MICALL2: variants seen among roughly 807,000 people sequenced by gnomAD.
MICALL2 encodes MICAL like 2.
MICALL2 carries 111 observed loss-of-function variants against 91.1 expected under a neutral mutation model. That is an observed-to-expected ratio of 1.22 (90% CI 1.04 to 1.43). The LOEUF is 1.43. Ranked by LOEUF, MICALL2 falls within the 40% of genes most tolerant of loss-of-function variation. The pLI is 0.00. For synonymous variants in MICALL2, 694 were observed against 525.3 expected, an observed-to-expected ratio of 1.32 and a Z score of -4.39; for missense variants, 1,556 against 1,236.0, an observed-to-expected ratio of 1.26 and a Z score of -3.88.
intron 10 of MICALL2, 177 bp downstream of exon 10, chr7:1,438,663 C>A (rs1780106401): frequency 1.4e-6 from 2 of 1,433,170 alleles, no homozygotes; most frequent in Admixed American, 2.8e-5. Flanking sequence ...TCTGAAACAG[C>A]TAGGGTCTCT....
In MICALL2 at chr7:1,440,581, C is replaced by T. The variant is rs376075464; in HGVS notation, c.1805+10G>A. ...TACCAGGCCCTGGGCCAGCCCCACC[C>T]ATCCCTAACCTCTCAGCTGGGCTTC... On this transcript the variant is annotated intron_variant, in intron 8 of 16. Transcript: ENST00000297508. The T allele has an allele frequency of 3.1e-6, 5 of 1,611,560 alleles. No homozygotes were observed. The African/African-American group carries it at 5.3e-5, about 17-fold the overall frequency.
At chr7:1,459,125 G>A (rs932376287) in intron 1 of MICALL2, 59 bp downstream of exon 1, 7 of 1,525,020 alleles carry the variant, frequency 4.6e-6, no homozygotes, top group South Asian at 1.2e-5. Context: ...CAGTTTCCCC[G>A]CCCGTGTCAG....
At position 1,448,761 on chromosome 7, in the gene MICALL2, C is replaced by A. The variant is rs1366908848; in HGVS notation, c.193G>T (p.Ala65Ser). Reference sequence around the variant, plus strand: ...AAGTGCTCCTCGGCCACGCGGAAGGCCTGCGAAAGGTGGGAGGGGGTCAGC... The same window carrying A: ...AAGTGCTCCTCGGCCACGCGGAAGGACTGCGAAAGGTGGGAGGGGGTCAGC... ...KENIYENNKL[A>S]FRVAEEHLGI... Residue 65 changes from alanine (A) to serine (S), a missense_variant and splice_region_variant, in exon 3 of 17, where the codon GCC becomes TCC. Transcript: ENST00000297508. 1 of 1,612,454 alleles carries A rather than the reference C, an allele frequency of 6.2e-7. No individual in the cohort carries two copies. The highest frequency in any genetic ancestry group is 8.5e-7 in the Non-Finnish European group (1 of 1,179,828).
Position 1,459,168 on chromosome 7 carries a change from G to A in MICALL2, c.143+16C>T, listed in dbSNP as rs765186850. 6.2e-6 allele frequency: 10 copies of A among 1,601,358 alleles called. No individual in the cohort carries two copies. The highest frequency in any genetic ancestry group is 2.7e-5 in the African/African-American group (2 of 74,254). ...CCGAACAGCAGAAGAATCAAAGGGC[G>A]CCAGGCAGGACTTACATGAGGTCGG... On this transcript the variant is annotated intron_variant, in intron 1 of 16. Coordinates refer to ENST00000297508, the MANE Select transcript of MICALL2 (RefSeq NM_182924.4).
chr7:1,438,729 C>T lies in MICALL2; in HGVS notation c.2122+111G>A, dbSNP rs1386900537. 3 of 1,495,518 alleles carry T rather than the reference C, an allele frequency of 2.0e-6. No individual in the cohort carries two copies. The African/African-American group carries it at 4.2e-5, about 21-fold the overall frequency. The allele number at this position is 1,495,518 out of a possible 1,614,324, so 92.6% of individuals were successfully genotyped here. On this transcript the variant is annotated intron_variant, in intron 10 of 16. Coordinates refer to ENST00000297508, the MANE Select transcript of MICALL2 (RefSeq NM_182924.4). ...TGGGTCCTTCCTCCAGGCTTTCCCT[C>T]CATTCTAGGTCCTGTGAATGCATCC...
chr7:1,437,566 C>T lies in MICALL2; in HGVS notation c.2445G>A (p.Glu815=). ...QRLEEQQLDI[E]GELRRLMAKP... is the part of the protein sequence containing the mutation. The stretch of plus-strand genomic sequence containing the variant: ...TGGCCATGAGCCGGCGCAGCTCGCC[C>T]TCGATGTCCAGCTGCTGCTCCTCCA... Residue 815 remains glutamate, a synonymous_variant, in exon 14 of 17, where the codon GAG becomes GAA. Transcript: ENST00000297508. 3.9e-6 allele frequency: 6 copies of T among 1,534,932 alleles called. No homozygotes were observed. Among genetic ancestry groups the T allele is most frequent in the Non-Finnish European group, 5.2e-6 (6 of 1,145,436 alleles).
chr7:1,439,212 G>A, intron 9 of MICALL2: 1 of 538,152 alleles, frequency 1.9e-6, no homozygotes, highest in East Asian at 3.0e-5. Flanking sequence ...GCTGCTGGCT[G>A]CTCAAGGTCA....
intron 7 of MICALL2, 62 bp from the exon 8 acceptor site, chr7:1,440,746 G>A: frequency 7.1e-7 from 1 of 1,415,458 alleles, no homozygotes; most frequent in Admixed American, 1.7e-5. Flanking sequence ...GTGTCTGCAA[G>A]GGTGGCTGTG....
rs1156669647 is a variant in MICALL2 at position 1,438,960 on chromosome 7, C to T, written c.2002G>A (p.Ala668Thr). ...CAAACGTCGAGGCTGGCAGGGACGG[C>T]CAGTCTCCTGCGGCGGGGTGGGGAG... ...SPSPPRRRRL[A>T]VPASLDVCDN... The change falls in exon 10 of 17, where the codon GCC becomes ACC. Residue 668 changes from alanine (A) to threonine (T), a missense_variant. By Grantham distance (58) the Ala-to-Thr change is moderately conservative (BLOSUM62 0). Coordinates refer to ENST00000297508, the MANE Select transcript of MICALL2 (RefSeq NM_182924.4). The T allele has an allele frequency of 5.6e-6, 9 of 1,601,568 alleles. No individual in the cohort carries two copies. The highest frequency in any genetic ancestry group is 7.6e-6 in the Non-Finnish European group (9 of 1,179,022).
rs566311876 is a variant in MICALL2 at position 1,444,935 on chromosome 7, C to T, written c.1135G>A (p.Gly379Arg). Residue 379 changes from glycine to arginine, a missense_variant, in exon 6 of 17, where the codon GGG (glycine) becomes AGG (arginine). Gly to Arg is a moderately radical substitution (Grantham distance 125). Transcript: ENST00000297508. The stretch of plus-strand genomic sequence containing the variant: ...GGAGCTGCCACTCGGGGGGCTCCCC[C>T]ACCCTGGGGTGTGGCCGGGCGAGGG... ...PDPRPATPQG[G>R]GAPRVAAPQT... The T allele has an allele frequency of 1.6e-5, 24 of 1,524,342 alleles. No individual in the cohort carries two copies. In the East Asian group the frequency reaches 2.9e-4, roughly 18 times the overall value. 94.4% of individuals were successfully genotyped at this position (1,524,342 alleles called of 1,614,324 possible). A position where few individuals can be genotyped will look rare whatever the true frequency, so the allele number is the denominator to read the frequency against.
intron 1 of MICALL2, among the ~76,000 whole-genome samples, chr7:1,455,880 A>C (rs10238356): frequency 0.012 from 1,866 of 152,028 alleles, 52 homozygotes; most frequent in African/African-American, 0.042. Context: ...AGGAGAGGGG[A>C]ATGAGGTGGC....
chr7:1,438,613 G>T (rs942198789), intron 10 of MICALL2: 1 of 1,420,430 alleles, frequency 7.0e-7, no homozygotes, highest in Non-Finnish European at 9.2e-7. Flanking sequence ...GCTGCCAGAA[G>T]CAGACATTCC....
intron 1 of MICALL2, among the ~76,000 whole-genome samples, chr7:1,457,267 G>A (rs1781051503): frequency 6.6e-6 from 1 of 152,180 alleles, no homozygotes; most frequent in Non-Finnish European, 1.5e-5. Flanking sequence ...CCAGTTCCAG[G>A]CACCAGGGGT....
At position 1,451,142 on chromosome 7, in the gene MICALL2, G is replaced by A. The variant is rs1780812529; in HGVS notation, c.144-854C>T. ...TGCAAGGGTCCCGGGAAGTTCCCGAGGTGAGGTCCCCGGCCAGCCTGGACA... is the reference window on the plus strand; with the variant it reads ...TGCAAGGGTCCCGGGAAGTTCCCGAAGTGAGGTCCCCGGCCAGCCTGGACA... On this transcript the variant is annotated intron_variant, in intron 1 of 16. Coordinates refer to ENST00000297508, the MANE Select transcript of MICALL2 (RefSeq NM_182924.4). The surrounding 1 kb of genome is among the most constrained non-coding windows in gnomAD (Gnocchi z 4.5). Among the ~76,000 whole-genome samples, 1 of 152,176 alleles carries A rather than the reference G, an allele frequency of 6.6e-6. No individual in the cohort carries two copies. Among genetic ancestry groups the A allele is most frequent in the Admixed American group, 6.5e-5 (1 of 15,278 alleles).
At position 1,444,310 on chromosome 7, in the gene MICALL2, A is replaced by G. The variant is rs551388571; in HGVS notation, c.1418+342T>C. Among the ~76,000 whole-genome samples, 411 of 151,286 alleles carry G rather than the reference A, an allele frequency of 2.7e-3. 3 individuals are homozygous for G. The highest frequency in any genetic ancestry group is 0.014 in the South Asian group (68 of 4,758). On this transcript the variant is annotated intron_variant, in intron 6 of 16. Transcript: ENST00000297508. ...CCCGCCAGCGTGGGTCCCGCTCGCG[A>G]CCTGTCCCCGCGTCCATGAAATGGG...
At chr7:1,442,692 CT>C (rs965607000) in intron 6 of MICALL2, among the ~76,000 whole-genome samples, 1 of 140,934 alleles carries the variant, frequency 7.1e-6, no homozygotes, top group African/African-American at 2.5e-5. Context: ...CAGGCTGCCC[CT>C]CTGCCTCCCT....
intron 2 of MICALL2, among the ~76,000 whole-genome samples, chr7:1,449,299 GTTTA>G (rs565358212): frequency 4.0e-4 from 61 of 152,298 alleles, no homozygotes; most frequent in African/African-American, 1.4e-3. Context: ...AACTGGACTT[GTTTA>G]TTTATTTATT....
In MICALL2 at chr7:1,446,828, C is replaced by T. The variant is rs555439117; in HGVS notation, c.526G>A (p.Asp176Asn). 7.0e-6 allele frequency: 11 copies of T among 1,580,966 alleles called. No homozygotes were observed. In the East Asian group the frequency reaches 2.3e-4, roughly 33 times the overall value. ...EGAGGPPPKTDQALAGSLVSS... is the reference protein window; with the variant it reads ...EGAGGPPPKTNQALAGSLVSS... ...ACCAAGCTGCCCGCCAATGCCTGGT[C>T]CTGGGGAAGATGCCAGCACCTCTCT... is the stretch of plus-strand genomic sequence containing the variant. The change falls in exon 5 of 17, where the codon GAC (aspartate) becomes AAC (asparagine). Residue 176 changes from aspartate to asparagine, a missense_variant and splice_region_variant. Asp to Asn is a conservative substitution (Grantham distance 23, BLOSUM62 1). Transcript: ENST00000297508.
chr7:1,444,619 A>G, intron 6 of MICALL2, 33 bp downstream of exon 6: 1 of 1,589,456 alleles, frequency 6.3e-7, no homozygotes, highest in Non-Finnish European at 8.5e-7. Context: ...CAAAGAGGCC[A>G]TACCCGGGGT....
Sources: gnomAD v4.1 joint callset for allele counts (sites outside exome capture counted in the v4.1 genomes callset) on GRCh38, gnomAD v4.1.1 for gene constraint, Gnocchi (gnomAD v3.1) non-coding constraint, MANE v1.5 for transcripts, NCBI Gene and HGNC (gene_info 2026-07-23, HGNC 2026-07-21) for gene names.